TCF20: variants seen among roughly 807,000 people sequenced by gnomAD.
TCF20 encodes transcription factor 20.
TCF20 carries 3 observed loss-of-function variants against 148.6 expected under a neutral mutation model. That is an observed-to-expected ratio of 0.02 (90% CI 0.01 to 0.05). TCF20 has a LOEUF of 0.05. Among genes scored for constraint, TCF20 ranks in the 10% least tolerant of loss-of-function variants. The pLI, the probability that TCF20 is intolerant of heterozygous loss-of-function variation, is 1.00. For missense variants in TCF20, 2,350 were observed against 2,429.3 expected, an observed-to-expected ratio of 0.97 and a Z score of 0.69; for synonymous variants, 1,049 against 909.5, an observed-to-expected ratio of 1.15 and a Z score of -2.76.
chr22:42,207,230 A>C (rs1938445687), intron 2 of TCF20, among the ~76,000 whole-genome samples: 1 of 152,154 alleles, frequency 6.6e-6, no homozygotes, highest in South Asian at 2.1e-4. Flanking sequence ...CCGCGCACTG[A>C]ATCATGAGCC....
Position 42,215,108 on chromosome 22 carries a change from C to CGCA in TCF20, c.195_197dup (p.Ala68dup), listed in dbSNP as rs1178121031. 1 of 1,614,026 alleles carries CGCA rather than the reference C, an allele frequency of 6.2e-7. No homozygotes were observed. Among genetic ancestry groups the CGCA allele is most frequent in the Non-Finnish European group, 8.5e-7 (1 of 1,180,028 alleles). ...CAGAGGTCTCGCTAGCCATCGCTGC[C>CGCA]GCAGCAGCTGCTGCTCCTCGTCGTC... On this transcript the variant is annotated inframe_insertion, in exon 2 of 6. Transcript: ENST00000677622.
At chr22:42,246,962 T>C (rs1924963785) in intron 1 of TCF20, among the ~76,000 whole-genome samples, 5 of 134,186 alleles carry the variant, frequency 3.7e-5, no homozygotes, top group African/African-American at 1.1e-4. Context: ...CAAGACTCTG[T>C]CTCAAAAAAT....
chr22:42,265,441 C>T (rs1601678991), intron 1 of TCF20, among the ~76,000 whole-genome samples: 1 of 152,180 alleles, frequency 6.6e-6, no homozygotes, highest in Non-Finnish European at 1.5e-5. Flanking sequence ...CCTGAATAGT[C>T]TGGACTACAG....
intron 1 of TCF20, among the ~76,000 whole-genome samples, chr22:42,253,931 C>T (rs1161332783): frequency 6.6e-6 from 1 of 152,026 alleles, no homozygotes; most frequent in Non-Finnish European, 1.5e-5. Context: ...ACAAAATTAG[C>T]CGGGTGTAGT....
intron 2 of TCF20, among the ~76,000 whole-genome samples, chr22:42,188,272 A>G: frequency 7.1e-6 from 1 of 140,104 alleles, no homozygotes; most frequent in Non-Finnish European, 1.5e-5. Flanking sequence ...CAGCCTGGGC[A>G]ACAAGAGTGA....
At chr22:42,190,267 T>C (rs1018971170) in intron 2 of TCF20, among the ~76,000 whole-genome samples, 4 of 152,070 alleles carry the variant, frequency 2.6e-5, no homozygotes, top group Admixed American at 6.5e-5. Context: ...AAGATTAGCC[T>C]GGGCAACAAA....
intron 1 of TCF20, among the ~76,000 whole-genome samples, chr22:42,244,226 G>A (rs1415242031): frequency 6.6e-6 from 1 of 152,118 alleles, no homozygotes; most frequent in Admixed American, 6.6e-5. Context: ...GAAAAAGTCT[G>A]GTGGTTCTTC....
chr22:42,249,912 G>A (rs557855669), intron 1 of TCF20, among the ~76,000 whole-genome samples: 2 of 152,018 alleles, frequency 1.3e-5, no homozygotes, highest in African/African-American at 4.8e-5. Context: ...GAACTCCACA[G>A]AAGTGCATTA....
In TCF20 at chr22:42,188,672, C is replaced by A. The variant is rs934450940; in HGVS notation, c.5656-8970G>T. The stretch of plus-strand genomic sequence containing the variant: ...TGTAAGACACTGTGTGATCAAGGTG[C>A]CTTTTATTCTCAGGGCTCTTTTCTT... On this transcript the variant is annotated intron_variant, in intron 2 of 5. Transcript: ENST00000677622. Among the ~76,000 whole-genome samples, 10 of 152,264 alleles carry A rather than the reference C, an allele frequency of 6.6e-5. No individual in the cohort carries two copies. The Middle Eastern group carries it at 0.01, about 155-fold the overall frequency.
intron 1 of TCF20, among the ~76,000 whole-genome samples, chr22:42,239,779 C>A (rs563439590): frequency 4.6e-5 from 7 of 152,040 alleles, no homozygotes; most frequent in Non-Finnish European, 8.8e-5. Context: ...GGAGACAGAG[C>A]GAGACTCCGA....
chr22:42,161,507 C>G, intron 5 of TCF20, 149 bp from the exon 6 acceptor site: 2 of 994,146 alleles, frequency 2.0e-6, no homozygotes, highest in South Asian at 1.5e-5. Context: ...GGGACACACC[C>G]GAGACCAATG....
At chr22:42,266,845 T>G (rs752600710) in intron 1 of TCF20, among the ~76,000 whole-genome samples, 1 of 152,222 alleles carries the variant, frequency 6.6e-6, no homozygotes, top group Admixed American at 6.5e-5. Flanking sequence ...TCTCCCGATA[T>G]CTTACCAACT....
At chr22:42,293,981 C>T (rs921499628) in intron 1 of TCF20, among the ~76,000 whole-genome samples, 5 of 152,222 alleles carry the variant, frequency 3.3e-5, no homozygotes, top group Non-Finnish European at 7.3e-5. Context: ...CCCTGGGCCA[C>T]AAAGGGAGAC....
chr22:42,176,821 A>C (rs149853454), intron 3 of TCF20, among the ~76,000 whole-genome samples: 1 of 152,310 alleles, frequency 6.6e-6, no homozygotes, highest in African/African-American at 2.4e-5. Flanking sequence ...AAAAAGTAGA[A>C]CAGAGGATAC....
At chr22:42,268,885 G>A (rs1225743458) in intron 1 of TCF20, among the ~76,000 whole-genome samples, 1 of 152,206 alleles carries the variant, frequency 6.6e-6, no homozygotes, top group African/African-American at 2.4e-5. Flanking sequence ...CTTAAAGACA[G>A]GCTTTTAAAA....
upstream of TCF20, chr22:42,274,335 CGCCCTCATTCTGT>C: frequency 6.6e-6 from 1 of 152,536 alleles, no homozygotes; most frequent in African/African-American, 2.4e-5. Flanking sequence ...TCTGTGGGCA[CGCCCTCATTCTGT>C]GCCCTCATTC....
Position 42,214,324 on chromosome 22 carries a change from C to T in TCF20, c.982G>A (p.Val328Met), listed in dbSNP as rs1296767053. 1 of 1,614,248 alleles carries T rather than the reference C, an allele frequency of 6.2e-7. No homozygotes were observed. The highest frequency in any genetic ancestry group is 1.1e-5 in the South Asian group (1 of 91,086). Reference protein sequence around the residue: ...PQQQQHPSQHVMQYTNAATKL... With the variant: ...PQQQQHPSQHMMQYTNAATKL... ...GTGGCAGCGTTAGTATACTGCATCA[C>T]ATGCTGAGAAGGGTGTTGTTGTTGC... The change falls in exon 2 of 6, where the codon GTG (valine) becomes ATG (methionine). Residue 328 changes from valine (V) to methionine (M), a missense_variant. Physicochemically the swap from Val to Met is conservative, Grantham distance 21. Around this residue, in one of 7 missense-constraint regions of TCF20, gnomAD observed 1,641 missense variants for 1,662.6 expected, o/e 0.99. Transcript: ENST00000677622.
At chr22:42,245,985 C>T (rs2147329816) in intron 1 of TCF20, among the ~76,000 whole-genome samples, 1 of 152,300 alleles carries the variant, frequency 6.6e-6, no homozygotes, top group East Asian at 1.9e-4. Context: ...GTTGAACACC[C>T]TGAGGACAAG....
At chr22:42,217,433 C>G (rs1388406943) in intron 1 of TCF20, among the ~76,000 whole-genome samples, 2 of 152,198 alleles carry the variant, frequency 1.3e-5, no homozygotes, top group Non-Finnish European at 2.9e-5. Flanking sequence ...GTTTTATCCC[C>G]TGCCTGGCCC....
Sources: gnomAD v4.1 joint callset for allele counts (sites outside exome capture counted in the v4.1 genomes callset) on GRCh38, gnomAD v4.1.1 for gene constraint, gnomAD v4.1.1 regional missense constraint, MANE v1.5 for transcripts, NCBI Gene and HGNC (gene_info 2026-07-23, HGNC 2026-07-21) for gene names.